ARHGAP12: variants seen among roughly 807,000 people sequenced by gnomAD.
ARHGAP12 encodes Rho GTPase activating protein 12.
In ARHGAP12, 64 loss-of-function variants were observed where a neutral mutation model predicts 108.6. That is an observed-to-expected ratio of 0.59 (90% CI 0.48 to 0.73). The LOEUF is 0.73. Among genes scored for constraint, ARHGAP12 ranks in the 30% least tolerant of loss-of-function variants. The pLI, the probability that ARHGAP12 is intolerant of heterozygous loss-of-function variation, is 0.00. For synonymous variants in ARHGAP12, 312 were observed against 337.2 expected (o/e 0.93, Z 0.82); for missense variants, 940 against 1,005.9 (o/e 0.93, Z 0.89).
chr10:31,836,450 C>T (rs940357132), intron 9 of ARHGAP12, among the ~76,000 whole-genome samples: 10 of 151,688 alleles, frequency 6.6e-5, no homozygotes, highest in Admixed American at 6.6e-4. Flanking sequence ...AAAGGGACTA[C>T]AAAAAGTAAC....
At chr10:31,839,416 G>A (rs1836164584) in intron 8 of ARHGAP12, 97 bp from the exon 9 acceptor site, 6 of 1,304,218 alleles carry the variant, frequency 4.6e-6, no homozygotes, top group Non-Finnish European at 6.3e-6. Context: ...TTAAAAATAT[G>A]GTATATAATT....
At chr10:31,858,982 G>A (rs1199318794) in intron 4 of ARHGAP12, among the ~76,000 whole-genome samples, 1 of 142,854 alleles carries the variant, frequency 7.0e-6, no homozygotes, top group Non-Finnish European at 1.6e-5. Flanking sequence ...TCAGGTATCT[G>A]TGAAACTGGG....
chr10:31,888,786 G>A (rs1407644930), intron 3 of ARHGAP12, among the ~76,000 whole-genome samples: 1 of 152,068 alleles, frequency 6.6e-6, no homozygotes, highest in Non-Finnish European at 1.5e-5. Context: ...TGAGGTAAAA[G>A]CACACAGAGT....
At chr10:31,916,740 C>T (rs1262542943) in intron 1 of ARHGAP12, among the ~76,000 whole-genome samples, 1 of 152,092 alleles carries the variant, frequency 6.6e-6, no homozygotes, top group South Asian at 2.1e-4. Flanking sequence ...CCTCAGCCTC[C>T]CAAGCAGCTG....
intron 1 of ARHGAP12, among the ~76,000 whole-genome samples, chr10:31,912,639 T>C (rs999164872): frequency 6.6e-6 from 1 of 152,146 alleles, no homozygotes; most frequent in African/African-American, 2.4e-5. Flanking sequence ...GGTCAAAAGG[T>C]ATCTCTATAG....
intron 3 of ARHGAP12, among the ~76,000 whole-genome samples, chr10:31,901,558 A>AAAAAAAAATT (rs1838927932): frequency 7.4e-6 from 1 of 135,488 alleles, no homozygotes; most frequent in African/African-American, 2.7e-5. Flanking sequence ...AAAAAAAAAA[A>AAAAAAAAATT]GTTTGAAACT....
chr10:31,892,324 T>A (rs1453618413), intron 3 of ARHGAP12, among the ~76,000 whole-genome samples: 1 of 152,022 alleles, frequency 6.6e-6, no homozygotes, highest in Non-Finnish European at 1.5e-5. Flanking sequence ...GCAAACTGGA[T>A]AAAGAGTTAA....
At chr10:31,894,219 TTCAACA>T (rs1838579220) in intron 3 of ARHGAP12, among the ~76,000 whole-genome samples, 1 of 152,198 alleles carries the variant, frequency 6.6e-6, no homozygotes, top group Non-Finnish European at 1.5e-5. Context: ...ATCACTCCTA[TTCAACA>T]TAGTGTTGGA....
At chr10:31,910,622 T>C (rs1304095694) in intron 1 of ARHGAP12, 59 bp from the exon 2 acceptor site, 1 of 152,220 alleles carries the variant, frequency 6.6e-6, no homozygotes, top group African/African-American at 2.4e-5. Flanking sequence ...ACTAAGAATA[T>C]AATGTTGCTT....
intron 1 of ARHGAP12, among the ~76,000 whole-genome samples, chr10:31,919,908 G>C (rs1290618817): frequency 6.6e-6 from 1 of 151,716 alleles, no homozygotes; most frequent in African/African-American, 2.4e-5. Context: ...CACGAGGTAG[G>C]AGTTCAAGAA....
In ARHGAP12 at chr10:31,843,447, C is replaced by T; in HGVS notation, c.1296+14G>A. ...ATAATGCAAAGAACTTGCCAAAAAT[C>T]TCAACAGTCCTACCTTATCATTAGT... On this transcript the variant is annotated intron_variant, in intron 7 of 19. Coordinates refer to ENST00000344936, the MANE Select transcript of ARHGAP12 (RefSeq NM_018287.7). 1 of 1,606,170 alleles carries T rather than the reference C, an allele frequency of 6.2e-7. No individual in the cohort carries two copies. The highest frequency in any genetic ancestry group is 8.5e-7 in the Non-Finnish European group (1 of 1,177,764).
At chr10:31,866,909 G>T (rs544654425) in intron 3 of ARHGAP12, among the ~76,000 whole-genome samples, 1 of 152,098 alleles carries the variant, frequency 6.6e-6, no homozygotes, top group Non-Finnish European at 1.5e-5. Flanking sequence ...GTGAGCCACC[G>T]TGCCCAGTCC....
At chr10:31,907,916 GA>G (rs1158585293) in intron 3 of ARHGAP12, among the ~76,000 whole-genome samples, 1 of 151,960 alleles carries the variant, frequency 6.6e-6, no homozygotes, top group Non-Finnish European at 1.5e-5. Flanking sequence ...AGAGAAAAGG[GA>G]AAAAAAGTTT....
chr10:31,905,375 C>A (rs1168983333), intron 3 of ARHGAP12, among the ~76,000 whole-genome samples: 1 of 152,132 alleles, frequency 6.6e-6, no homozygotes, highest in Non-Finnish European at 1.5e-5. Context: ...GGACTACAAG[C>A]GCACACTAAA....
rs1000430397 is a variant in ARHGAP12, at chr10:31,826,354, G to C, written c.1480C>G (p.Gln494Glu). The C allele has an allele frequency of 1.9e-6, 3 of 1,612,300 alleles. No individual in the cohort carries two copies. Among genetic ancestry groups the C allele is most frequent in the East Asian group, 2.2e-5 (1 of 44,796 alleles). ...KNWLSSWAVL[Q>E]GSSLLFTKTQ... The stretch of plus-strand genomic sequence containing the variant: ...TTGGTAAAAAGTAAAGATGAACCCT[G>C]CAACACCGCCCAAGAAGACAACCAG... The change falls in exon 11 of 20, where the codon CAG (glutamine) becomes GAG (glutamate). Residue 494 changes from glutamine to glutamate, a missense_variant. By Grantham distance (29) the Gln-to-Glu change is conservative (BLOSUM62 2). Coordinates refer to ENST00000344936, the MANE Select transcript of ARHGAP12 (RefSeq NM_018287.7).
At chr10:31,808,541 A>C (rs557723340) in intron 19 of ARHGAP12, 108 bp downstream of exon 19, 71 of 884,512 alleles carry the variant, frequency 8.0e-5, no homozygotes, top group Non-Finnish European at 1.2e-4. Context: ...CAAAGACAGC[A>C]AGTAGCATAG....
At chr10:31,897,328 G>A (rs1387851559) in intron 3 of ARHGAP12, among the ~76,000 whole-genome samples, 1 of 152,098 alleles carries the variant, frequency 6.6e-6, no homozygotes, top group East Asian at 1.9e-4. Context: ...GGTAAACTAA[G>A]AGACACTTGT....
chr10:31,908,735 T>C lies in ARHGAP12; in HGVS notation c.121A>G (p.Ile41Val), dbSNP rs757921458. 6.2e-7 allele frequency: 1 copy of C among 1,614,046 alleles called. No homozygotes were observed. The highest frequency in any genetic ancestry group is 1.3e-5 in the African/African-American group (1 of 74,930). Residue 41 changes from isoleucine (I) to valine (V), a missense_variant, in exon 3 of 20, where the codon ATC becomes GTC. By Grantham distance (29) the Ile-to-Val change is conservative. Coordinates refer to ENST00000344936, the MANE Select transcript of ARHGAP12 (RefSeq NM_018287.7). ...TCATCATTGGTCTTTTTCACCAAGA[T>C]GTACCTCTCCCCTTGTTTTATCACA... ...KIVIKQGERY[I>V]LVKKTNDDWW...
At chr10:31,815,109 AG>A (rs1835155004) in intron 13 of ARHGAP12, among the ~76,000 whole-genome samples, 1 of 145,600 alleles carries the variant, frequency 6.9e-6, no homozygotes, top group Non-Finnish European at 1.5e-5. Flanking sequence ...TGAGAAAGTA[AG>A]ACTCTGTCTC....
Sources: allele counts gnomAD v4.1 joint callset (sites outside exome capture counted in the v4.1 genomes callset), GRCh38; gene constraint gnomAD v4.1.1; transcripts MANE v1.5; gene names NCBI Gene and HGNC (gene_info 2026-07-23, HGNC 2026-07-21).